The following ZNF446 variants were observed in gnomAD, a reference collection of about 807,000 sequenced individuals.
ZNF446 encodes the protein zinc finger protein with KRAB and SCAN domains 20.
In ZNF446, 42 loss-of-function variants were observed where a neutral mutation model predicts 34.0. The observed-to-expected ratio is 1.23, with a 90% CI of 0.96 to 1.60. The LOEUF (loss-of-function observed/expected upper bound fraction) is 1.60, where lower values mean the gene tolerates loss of function less well. Among genes scored for constraint, ZNF446 ranks in the 40% most tolerant of loss-of-function variants. The probability of loss-of-function intolerance (pLI) is 0.00; values close to 1 mark genes in which losing one functional copy is unlikely to be tolerated. For missense variants in ZNF446, 650 were observed against 600.2 expected (o/e 1.08, Z -0.87); for synonymous variants, 315 against 251.0 (o/e 1.25, Z -2.41).
At chr19:58,477,855 G>A (rs2053103094) in intron 3 of ZNF446, 29 bp downstream of exon 3, 4 of 1,502,920 alleles carry the variant, frequency 2.7e-6, no homozygotes, top group African/African-American at 1.4e-5. Context: ...CAGAGATGAG[G>A]GACTCCTGGA....
At chr19:58,485,319 G>C (rs2053163390), downstream of ZNF446, among the ~76,000 whole-genome samples, 1 of 150,712 alleles carries the variant, frequency 6.6e-6, no homozygotes, top group African/African-American at 2.4e-5. Context: ...GGCCAACATG[G>C]TGAAAGCCCG....
downstream of ZNF446, among the ~76,000 whole-genome samples, chr19:58,484,079 C>T (rs576040574): frequency 6.6e-6 from 1 of 152,046 alleles, no homozygotes; most frequent in East Asian, 1.9e-4. Flanking sequence ...CTTAAAACAG[C>T]AAAAACTTAT....
Position 58,480,372 on chromosome 19 carries a change from G to C in ZNF446, c.999G>C (p.Thr333=), listed in dbSNP as rs369224271. 1 of 1,608,808 alleles carries C rather than the reference G, an allele frequency of 6.2e-7. No individual in the cohort carries two copies. Among genetic ancestry groups the C allele is most frequent in the African/African-American group, 1.3e-5 (1 of 74,908 alleles). ...CTGCCACCCCCAGGAAGCCCTACAC[G>C]TGCGAGCAGTGTGGCCGCGGCTTCG... ...EPAATPRKPY[T]CEQCGRGFDW... The change falls in exon 7 of 7, where the codon ACG becomes ACC. Residue 333 remains threonine (T), a synonymous_variant. Transcript: ENST00000594369. This position sits in a 1 kb window ranked among gnomAD's most constrained non-coding sequence, Gnocchi z 7.2.
At chr19:58,484,146 GT>G (rs1280761567), downstream of ZNF446, among the ~76,000 whole-genome samples, 2 of 151,868 alleles carry the variant, frequency 1.3e-5, no homozygotes, top group Non-Finnish European at 2.9e-5. Flanking sequence ...ATACTAGAGT[GT>G]TGGCAATGGC....
chr19:58,482,755 G>A (rs1176981300), downstream of ZNF446, among the ~76,000 whole-genome samples: 1 of 152,164 alleles, frequency 6.6e-6, no homozygotes, highest in Non-Finnish European at 1.5e-5. Flanking sequence ...AGATGGAGCT[G>A]GGGGTGGGTG....
Position 58,477,441 on chromosome 19 carries a change from C to G in ZNF446, c.223C>G (p.Leu75Val), listed in dbSNP as rs763299567. Residue 75 changes from leucine (L) to valine (V), a missense_variant, in exon 2 of 7, where the codon CTG (leucine) becomes GTG (valine). By Grantham distance (32) the Leu-to-Val change is conservative (BLOSUM62 1). Coordinates refer to ENST00000594369, the MANE Select transcript of ZNF446 (RefSeq NM_017908.4). The part of the protein sequence containing the change: ...MLEMLVLEQF[L>V]GTLPPEIQAW... ...GGAGATGCTGGTGCTGGAGCAGTTC[C>G]TGGGCACACTGCCTCCCGAGATCCA... 1 of 1,613,582 alleles carries G rather than the reference C, an allele frequency of 6.2e-7. No individual in the cohort carries two copies. Among genetic ancestry groups the G allele is most frequent in the Admixed American group, 1.7e-5 (1 of 60,024 alleles).
Position 58,480,767 on chromosome 19 carries a change from G to C in ZNF446, c.*41G>C. The C allele has an allele frequency of 6.4e-7, 1 of 1,572,838 alleles. No homozygotes were observed. The highest frequency in any genetic ancestry group is 8.6e-7 in the Non-Finnish European group (1 of 1,162,520). On this transcript the variant is annotated 3_prime_UTR_variant, in exon 7 of 7. Coordinates refer to ENST00000594369, the MANE Select transcript of ZNF446 (RefSeq NM_017908.4). The surrounding 1 kb of genome is among the most constrained non-coding windows in gnomAD (Gnocchi z 7.2). Reference sequence around the variant, plus strand: ...AGTCCCTCGGGGCCTCGGTGTTCTCGGGGCCTGGATACAGCCTCTGGGGCA... The same window carrying C: ...AGTCCCTCGGGGCCTCGGTGTTCTCCGGGCCTGGATACAGCCTCTGGGGCA...
intron 4 of ZNF446, among the ~76,000 whole-genome samples, chr19:58,478,791 G>A (rs1416854278): frequency 6.6e-6 from 1 of 152,100 alleles, no homozygotes; most frequent in Non-Finnish European, 1.5e-5. Flanking sequence ...TGCTCCCAGA[G>A]GTCCTGAGCC....
intron 1 of ZNF446, among the ~76,000 whole-genome samples, chr19:58,476,957 C>G (rs926206717): frequency 1.3e-5 from 2 of 152,172 alleles, no homozygotes; most frequent in Non-Finnish European, 2.9e-5. Context: ...TCCCTGGACA[C>G]CTTGCGTCCA....
downstream of ZNF446, among the ~76,000 whole-genome samples, chr19:58,481,584 G>C (rs1447357291): frequency 3.9e-5 from 6 of 152,188 alleles, no homozygotes; most frequent in Non-Finnish European, 8.8e-5. Context: ...ATAGTTAGCT[G>C]GTCATGCAGC....
At chr19:58,488,474 G>A in the ZNF446 span, among the ~76,000 whole-genome samples, 2 of 151,672 alleles carry the variant, frequency 1.3e-5, no homozygotes, top group African/African-American at 4.8e-5. Context: ...TCAATATAAC[G>A]TGATGGATTT....
intron 1 of ZNF446, 142 bp from the exon 2 acceptor site, chr19:58,477,037 T>G (rs1213565453): frequency 1.8e-6 from 1 of 570,502 alleles, no homozygotes; most frequent in East Asian, 2.8e-5. Flanking sequence ...ACCCTCCTCC[T>G]TCCATGAAGC....
At chr19:58,478,236 C>T (rs539349658) in intron 4 of ZNF446, 55 bp downstream of exon 4, 227 of 1,523,110 alleles carry the variant, frequency 1.5e-4, no homozygotes, top group Non-Finnish European at 2.0e-4. Flanking sequence ...GGACTGTCCC[C>T]ATGGCTGCCC....
At chr19:58,478,676 A>C (rs1223801157) in intron 4 of ZNF446, among the ~76,000 whole-genome samples, 1 of 152,076 alleles carries the variant, frequency 6.6e-6, no homozygotes, top group East Asian at 1.9e-4. Flanking sequence ...AAAACAAAAA[A>C]AAAAAAAAGG....
intron 4 of ZNF446, among the ~76,000 whole-genome samples, chr19:58,478,537 G>T (rs772241484): frequency 3.3e-5 from 5 of 152,014 alleles, no homozygotes; most frequent in Non-Finnish European, 5.9e-5. Flanking sequence ...GGTGGCAGGC[G>T]CCTGTAATCC....
At chr19:58,482,596 G>A (rs1300746508), downstream of ZNF446, among the ~76,000 whole-genome samples, 1 of 152,206 alleles carries the variant, frequency 6.6e-6, no homozygotes, top group Admixed American at 6.5e-5. Flanking sequence ...CCCCAGGAGG[G>A]GCTCCCTGGG....
chr19:58,476,797 A>G (rs1600006450), intron 1 of ZNF446, among the ~76,000 whole-genome samples: 1 of 150,466 alleles, frequency 6.6e-6, no homozygotes, highest in Non-Finnish European at 1.5e-5. Flanking sequence ...CTACCCGCCC[A>G]CCCTGGTCCA....
chr19:58,482,073 C>T (rs1316725678), downstream of ZNF446, among the ~76,000 whole-genome samples: 4 of 152,148 alleles, frequency 2.6e-5, no homozygotes, highest in South Asian at 4.1e-4. Flanking sequence ...GGATTACAGG[C>T]GTGAGCCACC....
Position 58,480,382 on chromosome 19 carries a change from T to A in ZNF446, c.1009T>A (p.Cys337Ser), listed in dbSNP as rs535018059. ...TPRKPYTCEQ[C>S]GRGFDWKSVF... ...CAGGAAGCCCTACACGTGCGAGCAG[T>A]GTGGCCGCGGCTTCGACTGGAAGTC... Residue 337 changes from cysteine to serine, a missense_variant, in exon 7 of 7, where the codon TGT (cysteine) becomes AGT (serine). Coordinates refer to ENST00000594369, the MANE Select transcript of ZNF446 (RefSeq NM_017908.4). This position sits in a 1 kb window ranked among gnomAD's most constrained non-coding sequence, Gnocchi z 7.2. 1.2e-6 allele frequency: 2 copies of A among 1,611,002 alleles called. No individual in the cohort carries two copies. The highest frequency in any genetic ancestry group is 2.2e-5 in the South Asian group (2 of 90,676).
Sources: gnomAD v4.1 joint callset for allele counts (sites outside exome capture counted in the v4.1 genomes callset) on GRCh38, gnomAD v4.1.1 for gene constraint, Gnocchi (gnomAD v3.1) non-coding constraint, MANE v1.5 for transcripts, NCBI Gene and HGNC (gene_info 2026-07-23, HGNC 2026-07-21) for gene names.